ERN2: variants seen among roughly 807,000 people sequenced by gnomAD.
ERN2 encodes serine/threonine-protein kinase/endoribonuclease IRE2.
ERN2 carries 111 observed loss-of-function variants against 107.9 expected under a neutral mutation model. That is an observed-to-expected ratio of 1.03 (90% CI 0.88 to 1.20). The LOEUF (loss-of-function observed/expected upper bound fraction) is 1.20. Ranked by LOEUF, ERN2 falls within the 50% of genes most tolerant of loss-of-function variation. The pLI, the probability that ERN2 is intolerant of heterozygous loss-of-function variation, is 0.00. For synonymous variants in ERN2, 524 were observed against 501.7 expected (o/e 1.04, Z -0.59); for missense variants, 1,225 against 1,197.9 (o/e 1.02, Z -0.33).
At chr16:23,703,106 T>G (rs1354620173) in intron 8 of ERN2, among the ~76,000 whole-genome samples, 2 of 152,116 alleles carry the variant, frequency 1.3e-5, no homozygotes, top group Non-Finnish European at 2.9e-5. Flanking sequence ...CCACAGAATC[T>G]TGAAAAATAA....
intron 8 of ERN2, among the ~76,000 whole-genome samples, chr16:23,704,384 G>C (rs201460742): frequency 6.6e-6 from 1 of 152,074 alleles, no homozygotes; most frequent in Non-Finnish European, 1.5e-5. Flanking sequence ...TTCCCATGCT[G>C]TTCTTGTGAT....
chr16:23,702,138 C>A lies in ERN2; in HGVS notation c.1203+14G>T. ...GGCCTCCCTACCCCCACTCTCTCCC[C>A]TCCCAGCACTGACCTCCAAGAAGAA... On this transcript the variant is annotated intron_variant, in intron 11 of 21. Coordinates refer to ENST00000256797, the MANE Select transcript of ERN2 (RefSeq NM_033266.4). 2 of 1,609,210 alleles carry A rather than the reference C, an allele frequency of 1.2e-6. No individual in the cohort carries two copies. The highest frequency in any genetic ancestry group is 1.7e-6 in the Non-Finnish European group (2 of 1,178,394).
Position 23,704,929 on chromosome 16 carries a change from G to A in ERN2, c.808C>T (p.Pro270Ser). The A allele has an allele frequency of 1.9e-6, 3 of 1,613,540 alleles. No homozygotes were observed. The highest frequency in any genetic ancestry group is 2.5e-6 in the Non-Finnish European group (3 of 1,180,028). ...GAGAAGAGGGTGGCTGTGTCCCGGG[G>A]GCCTGAGGCAGGCAGTCGGATGTGG... The part of the protein sequence containing the change: ...WGHIRLPASG[P>S]RDTATLFSTL... The change falls in exon 8 of 22, where the codon CCC (proline) becomes TCC (serine). Residue 270 changes from proline (P) to serine (S), a missense_variant. Coordinates refer to ENST00000256797, the MANE Select transcript of ERN2 (RefSeq NM_033266.4).
intron 13 of ERN2, among the ~76,000 whole-genome samples, chr16:23,699,668 C>T (rs2141011579): frequency 6.6e-6 from 1 of 152,216 alleles, no homozygotes; most frequent in South Asian, 2.1e-4. Flanking sequence ...TAAGCAATCC[C>T]CACCTTGGCC....
Position 23,710,171 on chromosome 16 carries a change from C to T in ERN2, c.306+1G>A. The T allele has an allele frequency of 1.2e-6, 2 of 1,609,638 alleles. No individual in the cohort carries two copies. The highest frequency in any genetic ancestry group is 8.5e-7 in the Non-Finnish European group (1 of 1,175,920). ...ATTCCCGAACACCATGGGATACAAA[C>T]CATTAATCCCTGTTGTTTTTGGGTC... is the stretch of plus-strand genomic sequence containing the variant. On this transcript the variant is annotated splice_donor_variant, in intron 4 of 21. Transcript: ENST00000256797. LOFTEE classifies it high-confidence loss of function.
At chr16:23,709,891 G>A in intron 4 of ERN2, 1 of 291,474 alleles carries the variant, frequency 3.4e-6, no homozygotes. Context: ...TTTAGCAAAA[G>A]CTAACTGGTA....
chr16:23,694,788 G>C lies in ERN2; in HGVS notation c.2040C>G (p.Ile680Met). The stretch of plus-strand genomic sequence containing the variant: ...GCGCCATCCAGCCTTCCGTGCCGGG[G>C]ATGCCGGAGTGGAGGCTGAAGCTAC... ...GRCSFSLHSG[I>M]PGTEGWMAPE... Residue 680 changes from isoleucine (I) to methionine (M), a missense_variant, in exon 17 of 22, where the codon ATC becomes ATG. Ile to Met is a conservative substitution (Grantham distance 10). Transcript: ENST00000256797. 6.2e-7 allele frequency: 1 copy of C among 1,613,416 alleles called. No individual in the cohort carries two copies. Among genetic ancestry groups the C allele is most frequent in the Non-Finnish European group, 8.5e-7 (1 of 1,179,800 alleles).
chr16:23,694,287 G>A (rs752870889), intron 17 of ERN2, among the ~76,000 whole-genome samples: 2 of 152,150 alleles, frequency 1.3e-5, no homozygotes, highest in African/African-American at 2.4e-5. Flanking sequence ...GTGAGCCACC[G>A]CACCCGGCAA....
At chr16:23,704,856 C>T (rs1287123641) in intron 8 of ERN2, 27 bp downstream of exon 8, 1 of 1,597,996 alleles carries the variant, frequency 6.3e-7, no homozygotes. Context: ...ATGGCTCCCT[C>T]CCTGGGCCCC....
In ERN2 at chr16:23,691,024, A is replaced by T; in HGVS notation, c.2588T>A (p.Leu863His). ...VRNKKHHYRE[L>H]PVEVRQALGQ... Reference sequence around the variant, plus strand: ...GAGTGCCTGTCGCACCTCAACTGGGAGCTCCCTGTAGTGGTGCTTCTGTGG... The same window carrying T: ...GAGTGCCTGTCGCACCTCAACTGGGTGCTCCCTGTAGTGGTGCTTCTGTGG... The change falls in exon 22 of 22, where the codon CTC (leucine) becomes CAC (histidine). Residue 863 changes from leucine (L) to histidine (H), a missense_variant. Coordinates refer to ENST00000256797, the MANE Select transcript of ERN2 (RefSeq NM_033266.4). 3 of 1,614,086 alleles carry T rather than the reference A, an allele frequency of 1.9e-6. No homozygotes were observed. Among genetic ancestry groups the T allele is most frequent in the Non-Finnish European group, 2.5e-6 (3 of 1,180,012 alleles).
intron 1 of ERN2, chr16:23,712,876 C>A (rs1277424487): frequency 3.4e-5 from 18 of 524,632 alleles, no homozygotes; most frequent in Non-Finnish European, 6.0e-5. Context: ...TGCCTTTCCA[C>A]GCTGGCAGAT....
Position 23,704,961 on chromosome 16 carries a change from C to G in ERN2, c.776G>C (p.Arg259Pro). The change falls in exon 8 of 22, where the codon CGC becomes CCC. Residue 259 changes from arginine to proline, a missense_variant. Coordinates refer to ENST00000256797, the MANE Select transcript of ERN2 (RefSeq NM_033266.4). ...GGCAGGCAGTCGGATGTGGCCCCAG[C>G]GGAGGGCGAGGAAATGCAGAGTGTC... ...ARDTLHFLAL[R>P]WGHIRLPASG... 1 of 1,613,826 alleles carries G rather than the reference C, an allele frequency of 6.2e-7. No homozygotes were observed. Among genetic ancestry groups the G allele is most frequent in the Non-Finnish European group, 8.5e-7 (1 of 1,180,024 alleles).
chr16:23,702,048 A>T, intron 11 of ERN2, 104 bp downstream of exon 11: 1 of 1,229,536 alleles, frequency 8.1e-7, no homozygotes, highest in Non-Finnish European at 1.1e-6. Flanking sequence ...CAATTGACCC[A>T]CCCCCGAGTG....
At position 23,701,008 on chromosome 16, in the gene ERN2, C is replaced by G; in HGVS notation, c.1310G>C (p.Ser437Thr). The change falls in exon 12 of 22, where the codon AGC becomes ACC. Residue 437 changes from serine (S) to threonine (T), a missense_variant. Ser to Thr is a moderately conservative substitution (Grantham distance 58, BLOSUM62 1). Transcript: ENST00000256797. The stretch of plus-strand genomic sequence containing the variant: ...CCCTCCCAGGAGGACAGCAGTGAGG[C>G]TAGCTGCCAGCAGGTCTTGGGGTCC... ...GLGPQDLLAA[S>T]LTAVLLGGWI... is the part of the protein sequence containing the mutation. 1 of 1,614,204 alleles carries G rather than the reference C, an allele frequency of 6.2e-7. No homozygotes were observed.
chr16:23,700,896 G>T, intron 12 of ERN2, 63 bp downstream of exon 12: 1 of 1,550,062 alleles, frequency 6.5e-7, no homozygotes, highest in South Asian at 1.2e-5. Context: ...GTTGCTGAGT[G>T]GTCTCAGAGA....
At chr16:23,710,707 T>C (rs763901775) in intron 2 of ERN2, among the ~76,000 whole-genome samples, 158 bp from the exon 3 acceptor site, 1 of 152,180 alleles carries the variant, frequency 6.6e-6, no homozygotes, top group Non-Finnish European at 1.5e-5. Flanking sequence ...GGTCATATCC[T>C]TTGCCCCATT....
Position 23,691,194 on chromosome 16 carries a change from G to A in ERN2, c.2503C>T (p.Leu835=). The A allele has an allele frequency of 6.2e-7, 1 of 1,614,040 alleles. No homozygotes were observed. Residue 835 remains leucine (L), a splice_region_variant and synonymous_variant, in exon 21 of 22, where the codon CTG becomes TTG. Coordinates refer to ENST00000256797, the MANE Select transcript of ERN2 (RefSeq NM_033266.4). Reference sequence around the variant, plus strand: ...CCCTTATAGGACCGGAACTTTCTCAGATCTGTGGACAGGGAATTCAGTGGC... The same window carrying A: ...CCCTTATAGGACCGGAACTTTCTCAAATCTGTGGACAGGGAATTCAGTGGC... ...EHISMPLQTD[L]RKFRSYKGTS... is the part of the protein sequence containing the mutation.
chr16:23,690,781 G>A lies in ERN2; in HGVS notation c.*50C>T. 6.8e-7 allele frequency: 1 copy of A among 1,475,926 alleles called. No homozygotes were observed. Among genetic ancestry groups the A allele is most frequent in the Non-Finnish European group, 9.3e-7 (1 of 1,074,996 alleles). The allele number at this position is 1,475,926 out of a possible 1,614,324, so 91.4% of individuals were successfully genotyped here. A position where few individuals can be genotyped will look rare whatever the true frequency, so the allele number is the denominator to read the frequency against. On this transcript the variant is annotated 3_prime_UTR_variant, in exon 22 of 22. Transcript: ENST00000256797. Reference sequence around the variant, plus strand: ...GATTCTGAGGCCAGCCACAGGCTCAGCTCTTCAGTGAGCCAGCACGGAGAC... The same window carrying A: ...GATTCTGAGGCCAGCCACAGGCTCAACTCTTCAGTGAGCCAGCACGGAGAC...
At position 23,706,438 on chromosome 16, in the gene ERN2, A is replaced by G; in HGVS notation, c.488-7T>C. ...TGCATGGTGACCGTATACTCTGGGGATCCCAGAAGCAAGATTACCAGGAAC... is the reference window on the plus strand; with the variant it reads ...TGCATGGTGACCGTATACTCTGGGGGTCCCAGAAGCAAGATTACCAGGAAC... On this transcript the variant is annotated splice_polypyrimidine_tract_variant and splice_region_variant and intron_variant, in intron 6 of 21. Coordinates refer to ENST00000256797, the MANE Select transcript of ERN2 (RefSeq NM_033266.4). 6.4e-7 allele frequency: 1 copy of G among 1,554,636 alleles called. No homozygotes were observed. Among genetic ancestry groups the G allele is most frequent in the Non-Finnish European group, 8.7e-7 (1 of 1,146,170 alleles).
Sources: allele counts gnomAD v4.1 joint callset (sites outside exome capture counted in the v4.1 genomes callset), GRCh38; gene constraint gnomAD v4.1.1; transcripts MANE v1.5; gene names NCBI Gene and HGNC (gene_info 2026-07-23, HGNC 2026-07-21).